Variants in ARHGAP42 observed in about 807,000 individuals in gnomAD.
The protein encoded by ARHGAP42 is rho GTPase-activating protein 42.
Under a neutral mutation model 125.0 loss-of-function variants are expected in ARHGAP42, and 63 were observed. That is an observed-to-expected ratio of 0.50 (90% confidence interval 0.41 to 0.62). ARHGAP42 has a LOEUF of 0.62. Ranked by LOEUF, ARHGAP42 falls within the 20% of genes least tolerant of loss-of-function variation. ARHGAP42 has a pLI of 0.00. For missense variants in ARHGAP42, 766 were observed against 1,024.2 expected (o/e 0.75, Z 3.44); for synonymous variants, 339 against 351.0 (o/e 0.97, Z 0.38).
intron 4 of ARHGAP42, among the ~76,000 whole-genome samples, chr11:100,893,158 G>GGTGT (rs142725608): frequency 0.077 from 11,371 of 146,992 alleles, 1,218 homozygotes; most frequent in African/African-American, 0.24. Context: ...AACATTTAGG[G>GGTGT]GTGTGTGTGT....
intron 19 of ARHGAP42, 34 bp from the exon 20 acceptor site, chr11:100,976,023 A>G (rs572336251): frequency 1.4e-6 from 2 of 1,464,964 alleles, no homozygotes; most frequent in South Asian, 1.4e-5. Flanking sequence ...AGATAGTTAC[A>G]GTTGCTTTCA....
chr11:100,884,346 G>A (rs959798562), intron 4 of ARHGAP42, among the ~76,000 whole-genome samples: 2 of 152,096 alleles, frequency 1.3e-5, no homozygotes, highest in Admixed American at 6.6e-5. Context: ...AATAAGCCAC[G>A]TCAGTCTTTC....
At chr11:100,883,333 CTGTT>C (rs919382786) in intron 4 of ARHGAP42, among the ~76,000 whole-genome samples, 15 of 151,990 alleles carry the variant, frequency 9.9e-5, no homozygotes, top group African/African-American at 3.6e-4. Flanking sequence ...GGTTTTGTTT[CTGTT>C]TGTTTTGTTT....
At chr11:100,726,316 A>G (rs1216983036) in intron 1 of ARHGAP42, among the ~76,000 whole-genome samples, 1 of 152,162 alleles carries the variant, frequency 6.6e-6, no homozygotes, top group Non-Finnish European at 1.5e-5. Context: ...ATTTTGTATT[A>G]CATGTGGAGA....
At chr11:100,827,573 A>G (rs2135087687) in intron 3 of ARHGAP42, among the ~76,000 whole-genome samples, 1 of 152,344 alleles carries the variant, frequency 6.6e-6, no homozygotes, top group Non-Finnish European at 1.5e-5. Flanking sequence ...GGGTAATGCC[A>G]GTAGGATGGG....
At chr11:100,962,846 A>G (rs1857990380) in intron 16 of ARHGAP42, among the ~76,000 whole-genome samples, 1 of 152,160 alleles carries the variant, frequency 6.6e-6, no homozygotes, top group Non-Finnish European at 1.5e-5. Context: ...ATTGCACTCC[A>G]GCCTGGGCAA....
intron 7 of ARHGAP42, 123 bp downstream of exon 7, chr11:100,933,383 G>A: frequency 1.7e-6 from 1 of 577,668 alleles, no homozygotes; most frequent in Non-Finnish European, 2.8e-6. Context: ...CCTAATCTTA[G>A]TTAGAAAAAT....
At chr11:100,981,653 G>A (rs562394165) in intron 22 of ARHGAP42, among the ~76,000 whole-genome samples, 1 of 152,306 alleles carries the variant, frequency 6.6e-6, no homozygotes, top group Admixed American at 6.5e-5. Flanking sequence ...TGATGCACCA[G>A]AACAGATCAT....
rs1231343119 is a variant in ARHGAP42, at chr11:100,992,091, A to G, written c.*3290A>G. On this transcript the variant is annotated 3_prime_UTR_variant, in exon 24 of 24. Coordinates refer to ENST00000298815, the MANE Select transcript of ARHGAP42 (RefSeq NM_152432.4). ...TCTTCTGGTCTGTGTTGAAAAGGGT[A>G]TCATTCATGTGGTTTCAGTTTAGAA... is the stretch of plus-strand genomic sequence containing the variant. 9 of 534,852 alleles carry G rather than the reference A, an allele frequency of 1.7e-5. No homozygotes were observed. In the South Asian group the frequency reaches 2.5e-4, roughly 15 times the overall value. The allele number at this position is 534,852 out of a possible 1,614,324, so 33.1% of individuals were successfully genotyped here. A position where few individuals can be genotyped will look rare whatever the true frequency, so the allele number is the denominator to read the frequency against.
intron 3 of ARHGAP42, among the ~76,000 whole-genome samples, chr11:100,836,506 TG>T (rs980108466): frequency 1.3e-5 from 2 of 152,128 alleles, no homozygotes; most frequent in Non-Finnish European, 2.9e-5. Flanking sequence ...GAAGTGTAGT[TG>T]GAAAATACCA....
At position 100,795,182 on chromosome 11, in the gene ARHGAP42, A is replaced by G. The variant is rs1233258613; in HGVS notation, c.312+16A>G. 4 of 1,506,134 alleles carry G rather than the reference A, an allele frequency of 2.7e-6. No individual in the cohort carries two copies. The highest frequency in any genetic ancestry group is 3.6e-6 in the Non-Finnish European group (4 of 1,120,190). 93.3% of individuals were successfully genotyped at this position (1,506,134 alleles called of 1,614,324 possible). A position where few individuals can be genotyped will look rare whatever the true frequency, so the allele number is the denominator to read the frequency against. ...GCGAAGACTGGTAAGTCTGTTCTGTATTTCTTAAGAATATTGCTTTGTTTC... is the reference window on the plus strand; with the variant it reads ...GCGAAGACTGGTAAGTCTGTTCTGTGTTTCTTAAGAATATTGCTTTGTTTC... On this transcript the variant is annotated intron_variant, in intron 3 of 23. Coordinates refer to ENST00000298815, the MANE Select transcript of ARHGAP42 (RefSeq NM_152432.4).
At chr11:100,857,151 CTTTT>C (rs1034474651) in intron 3 of ARHGAP42, among the ~76,000 whole-genome samples, 1 of 151,784 alleles carries the variant, frequency 6.6e-6, no homozygotes, top group Non-Finnish European at 1.5e-5. Flanking sequence ...TCACACCCTT[CTTTT>C]TTTTCTGTTT....
At chr11:100,921,225 ATATATATATATATATATATATTTTTTT>A (rs1867243674) in intron 5 of ARHGAP42, among the ~76,000 whole-genome samples, 4 of 75,756 alleles carry the variant, frequency 5.3e-5, no homozygotes, top group Non-Finnish European at 9.8e-5. Flanking sequence ...ATATATATAT[ATATATATATATATATATATATTTTTTT>A]TTTTTTTTTT....
chr11:100,949,876 C>T (rs1868129909), intron 11 of ARHGAP42, 41 bp from the exon 12 acceptor site: 1 of 1,325,716 alleles, frequency 7.5e-7, no homozygotes, highest in African/African-American at 1.5e-5. Flanking sequence ...TGTGCTGGGT[C>T]ATTAACTGGA....
chr11:100,922,266 A>C (rs1180900614), intron 6 of ARHGAP42, among the ~76,000 whole-genome samples: 1 of 152,074 alleles, frequency 6.6e-6, no homozygotes, highest in East Asian at 1.9e-4. Flanking sequence ...TGACTTTCCT[A>C]TGAAGTCATT....
Position 100,770,376 on chromosome 11 carries a change from C to G in ARHGAP42, c.188C>G (p.Ser63Ter). 1 of 1,550,320 alleles carries G rather than the reference C, an allele frequency of 6.5e-7. No individual in the cohort carries two copies. Among genetic ancestry groups the G allele is most frequent in the Non-Finnish European group, 8.7e-7 (1 of 1,146,620 alleles). ...LSMAVQKFSQ[S>*]LQDFQFECIG... ...ATGGCAGTGCAGAAATTTTCCCAGT[C>G]ATTGCAAGATTTCCAGTTTGAATGT... is the stretch of plus-strand genomic sequence containing the variant. The change falls in exon 2 of 24, where the codon TCA becomes TGA. Residue 63 changes from serine to a stop codon, truncating the protein, a stop_gained. Transcript: ENST00000298815. LOFTEE classifies it high-confidence loss of function.
chr11:100,711,987 T>A (rs762120449), intron 1 of ARHGAP42, among the ~76,000 whole-genome samples: 6 of 152,218 alleles, frequency 3.9e-5, no homozygotes, highest in Non-Finnish European at 7.3e-5. Flanking sequence ...CCTATGGCAT[T>A]GTAAATTAGT....
At chr11:100,830,197 G>A (rs912440925) in intron 3 of ARHGAP42, among the ~76,000 whole-genome samples, 1 of 152,144 alleles carries the variant, frequency 6.6e-6, no homozygotes, top group Non-Finnish European at 1.5e-5. Context: ...CTCACCAGGA[G>A]GAATATATTT....
intron 1 of ARHGAP42, among the ~76,000 whole-genome samples, chr11:100,741,182 C>T (rs988504865): frequency 2.1e-4 from 32 of 152,116 alleles, no homozygotes; most frequent in African/African-American, 7.0e-4. Flanking sequence ...AGGCACCTGC[C>T]ACCACGCCTG....
Sources: gnomAD v4.1 joint callset for allele counts (sites outside exome capture counted in the v4.1 genomes callset) on GRCh38, gnomAD v4.1.1 for gene constraint, MANE v1.5 for transcripts, NCBI Gene and HGNC (gene_info 2026-07-23, HGNC 2026-07-21) for gene names.